Variants in LINS1 observed in about 807,000 individuals in gnomAD.
LINS1 encodes the protein protein Lines homolog 1.
In LINS1, 27 loss-of-function variants were observed where a neutral mutation model predicts 41.6. The ratio of observed to expected loss-of-function variants is 0.65; its 90% CI spans 0.48 to 0.89. The LOEUF (loss-of-function observed/expected upper bound fraction) is 0.89, where lower values mean the gene tolerates loss of function less well. Ranked by LOEUF, LINS1 falls within the 40% of genes least tolerant of loss-of-function variation. The pLI is 0.00. For missense variants in LINS1, 955 were observed against 884.1 expected, an observed-to-expected ratio of 1.08 and a Z score of -1.02; for synonymous variants, 336 against 312.9, an observed-to-expected ratio of 1.07 and a Z score of -0.78.
At chr15:100,583,234 T>C (rs1016365252) in intron 1 of LINS1, among the ~76,000 whole-genome samples, 10 of 149,354 alleles carry the variant, frequency 6.7e-5, no homozygotes, top group East Asian at 4.0e-4. Context: ...ATCTACACTA[T>C]GGCCCACTAG....
intron 3 of LINS1, among the ~76,000 whole-genome samples, chr15:100,578,864 TG>T (rs1358351847): frequency 5.3e-5 from 8 of 152,308 alleles, no homozygotes; most frequent in Admixed American, 5.2e-4. Flanking sequence ...GATGAGTTCA[TG>T]TCCTTTGTAG....
At chr15:100,597,833 C>A (rs987219880) in intron 1 of LINS1, among the ~76,000 whole-genome samples, 4 of 152,210 alleles carry the variant, frequency 2.6e-5, no homozygotes, top group Non-Finnish European at 5.9e-5. Context: ...AAATTCTGTA[C>A]ACAGACAAGA....
chr15:100,578,666 C>T (rs2038337270), intron 3 of LINS1, among the ~76,000 whole-genome samples: 2 of 152,274 alleles, frequency 1.3e-5, no homozygotes, highest in South Asian at 4.2e-4. Flanking sequence ...CCAGCCATCC[C>T]ATTACTGGGT....
intron 1 of LINS1, among the ~76,000 whole-genome samples, chr15:100,598,818 A>G (rs1237281772): frequency 6.6e-6 from 1 of 152,200 alleles, no homozygotes; most frequent in Non-Finnish European, 1.5e-5. Context: ...CAAGATCCCC[A>G]GACACAACCT....
intron 5 of LINS1, chr15:100,573,195 G>T: frequency 5.3e-6 from 1 of 187,636 alleles, no homozygotes; most frequent in Non-Finnish European, 1.0e-5. Flanking sequence ...ATGGGTCGCG[G>T]CTCACTGTAG....
At chr15:100,594,235 T>C (rs2039152949) in intron 1 of LINS1, among the ~76,000 whole-genome samples, 2 of 152,248 alleles carry the variant, frequency 1.3e-5, no homozygotes, top group African/African-American at 4.8e-5. Context: ...TTTTTATTTT[T>C]TCTGAATATT....
intron 1 of LINS1, among the ~76,000 whole-genome samples, chr15:100,581,871 T>C (rs1596926100): frequency 6.6e-6 from 1 of 152,238 alleles, no homozygotes; most frequent in Non-Finnish European, 1.5e-5. Context: ...ACATAGTTCA[T>C]GGTTTTCTTA....
At chr15:100,578,725 CAT>C (rs2038342681) in intron 3 of LINS1, among the ~76,000 whole-genome samples, 1 of 152,024 alleles carries the variant, frequency 6.6e-6, no homozygotes, top group African/African-American at 2.4e-5. Context: ...CACATGCACA[CAT>C]ATGTTTATTG....
At chr15:100,583,145 C>G (rs1328455927) in intron 1 of LINS1, among the ~76,000 whole-genome samples, 1 of 151,760 alleles carries the variant, frequency 6.6e-6, no homozygotes, top group Non-Finnish European at 1.5e-5. Flanking sequence ...GGCCCACTAG[C>G]CTAGTCTTGG....
Position 100,571,994 on chromosome 15 carries a change from G to A in LINS1, c.1294C>T (p.His432Tyr). 1 of 1,614,240 alleles carries A rather than the reference G, an allele frequency of 6.2e-7. No individual in the cohort carries two copies. Among genetic ancestry groups the A allele is most frequent in the Non-Finnish European group, 8.5e-7 (1 of 1,180,044 alleles). The change falls in exon 6 of 7, where the codon CAC becomes TAC. Residue 432 changes from histidine (H) to tyrosine (Y), a missense_variant. Coordinates refer to ENST00000314742, the MANE Select transcript of LINS1 (RefSeq NM_001040616.3). ...CGAGACAGCCATTTGCACGGATTGT[G>A]TAATTGCAGAGAGGGCTGAAGATGA... ...KPHLQPSLQL[H>Y]NPCKWLSRVF... is the part of the protein sequence containing the mutation.
chr15:100,572,551 T>C, intron 5 of LINS1: 1 of 982,070 alleles, frequency 1.0e-6, no homozygotes, highest in Non-Finnish European at 1.2e-6. Context: ...TTAGGTAGTT[T>C]GAACTACAAT....
intron 1 of LINS1, among the ~76,000 whole-genome samples, chr15:100,582,101 A>G (rs531846884): frequency 6.6e-6 from 1 of 152,332 alleles, no homozygotes; most frequent in East Asian, 1.9e-4. Context: ...TCTTCCATCT[A>G]CAATATGGCC....
intron 5 of LINS1, chr15:100,572,595 T>C: frequency 1.1e-5 from 11 of 991,938 alleles, no homozygotes; most frequent in Non-Finnish European, 1.3e-5. Flanking sequence ...TGCCATCTAG[T>C]GTTATAAATT....
intron 1 of LINS1, chr15:100,586,306 T>G (rs1343753034): frequency 6.6e-6 from 1 of 152,240 alleles, no homozygotes; most frequent in Non-Finnish European, 1.5e-5. Flanking sequence ...ATATCTTGAT[T>G]GATGTCTCAT....
At chr15:100,579,603 T>A (rs190138273) in intron 3 of LINS1, among the ~76,000 whole-genome samples, 44 of 152,342 alleles carry the variant, frequency 2.9e-4, no homozygotes, top group Admixed American at 2.3e-3. Flanking sequence ...TCACTTTTTA[T>A]ATTCAGAAAA....
chr15:100,585,094 T>C (rs906652279), intron 1 of LINS1, among the ~76,000 whole-genome samples: 1 of 152,192 alleles, frequency 6.6e-6, no homozygotes, highest in African/African-American at 2.4e-5. Flanking sequence ...AGTTGGGGAT[T>C]ACACCCAGGT....
At chr15:100,585,016 T>C (rs1182672105) in intron 1 of LINS1, among the ~76,000 whole-genome samples, 1 of 152,234 alleles carries the variant, frequency 6.6e-6, no homozygotes, top group East Asian at 1.9e-4. Flanking sequence ...TTACAGTTCA[T>C]GGCTGTCACT....
chr15:100,590,443 C>A (rs2038984330), intron 1 of LINS1, among the ~76,000 whole-genome samples: 1 of 152,040 alleles, frequency 6.6e-6, no homozygotes, highest in Non-Finnish European at 1.5e-5. Flanking sequence ...ACCCATATCC[C>A]AAGTTAAAGA....
chr15:100,585,046 G>A (rs1038373018), intron 1 of LINS1, among the ~76,000 whole-genome samples: 2 of 152,212 alleles, frequency 1.3e-5, no homozygotes, highest in Non-Finnish European at 2.9e-5. Context: ...TGAGAAGCAC[G>A]GGAAAGCATG....
Sources: allele counts gnomAD v4.1 joint callset (sites outside exome capture counted in the v4.1 genomes callset), GRCh38; gene constraint gnomAD v4.1.1; transcripts MANE v1.5; gene names NCBI Gene and HGNC (gene_info 2026-07-23, HGNC 2026-07-21).